IBTK: variants seen among roughly 807,000 people sequenced by gnomAD.
IBTK encodes the protein inhibitor of Bruton tyrosine kinase.
In IBTK, 83 loss-of-function variants were observed where a neutral mutation model predicts 154.9. That is an observed-to-expected ratio of 0.54 (90% confidence interval 0.45 to 0.64). The LOEUF (loss-of-function observed/expected upper bound fraction) is 0.64. IBTK is among the 30% of genes least tolerant of loss of function. The pLI is 0.00. For synonymous variants in IBTK, 515 were observed against 536.1 expected (o/e 0.96, Z 0.54); for missense variants, 1,332 against 1,584.6 (o/e 0.84, Z 2.71).
At position 82,240,449 on chromosome 6, in the gene IBTK, C is replaced by G. The variant is rs376172634; in HGVS notation, c.38G>C (p.Arg13Pro). ...GACATCCAAAGCATGCTTCAGGGAT[C>G]GACACTTTGATGTGCAGTCAGGCAT... ...SPMPDCTSKC[R>P]SLKHALDVLS... The change falls in exon 2 of 29, where the codon CGA becomes CCA. Residue 13 changes from arginine (R) to proline (P), a missense_variant. Around this residue, in one of 3 missense-constraint regions of IBTK, gnomAD observed 84 missense variants for 96.2 expected, o/e 0.87. Coordinates refer to ENST00000306270, the MANE Select transcript of IBTK (RefSeq NM_015525.4). 8.7e-6 allele frequency: 14 copies of G among 1,613,756 alleles called. No homozygotes were observed. Among genetic ancestry groups the G allele is most frequent in the Non-Finnish European group, 1.2e-5 (14 of 1,180,018 alleles).
intron 17 of IBTK, among the ~76,000 whole-genome samples, chr6:82,203,597 AC>A (rs1769292476): frequency 6.6e-6 from 1 of 152,154 alleles, no homozygotes; most frequent in Admixed American, 6.5e-5. Context: ...TCACATGGGA[AC>A]AAGTATCCAC....
rs1562065138 is a variant in IBTK at position 82,172,414 on chromosome 6, A to G, written c.3896T>C (p.Ile1299Thr). The G allele has an allele frequency of 6.2e-7, 1 of 1,614,038 alleles. No homozygotes were observed. The highest frequency in any genetic ancestry group is 2.2e-5 in the East Asian group (1 of 44,860). ...EEELQQEAAL[I>T]RSREKPLALI... ...AGCCAACGGTTTTTCTCGACTTCTA[A>G]TAAGAGCTGCTTCTTGTTGTAGTTC... Residue 1299 changes from isoleucine (I) to threonine (T), a missense_variant, in exon 28 of 29, where the codon ATT (isoleucine) becomes ACT (threonine). By Grantham distance (89) the Ile-to-Thr change is moderately conservative. Coordinates refer to ENST00000306270, the MANE Select transcript of IBTK (RefSeq NM_015525.4).
intron 1 of IBTK, 27 bp downstream of exon 1, chr6:82,247,535 G>C: frequency 2.5e-6 from 1 of 398,942 alleles, no homozygotes; most frequent in Non-Finnish European, 4.4e-6. Context: ...GCACCGCACG[G>C]TCGGGCAGCG....
intron 3 of IBTK, 146 bp downstream of exon 3, chr6:82,234,013 G>C: frequency 2.6e-6 from 1 of 385,986 alleles, no homozygotes; most frequent in East Asian, 4.2e-5. Flanking sequence ...ACAGGTGTGA[G>C]CCGCAGCGCC....
At chr6:82,234,120 T>A (rs1326033605) in intron 3 of IBTK, 39 bp downstream of exon 3, 1 of 1,024,388 alleles carries the variant, frequency 9.8e-7, no homozygotes, top group Non-Finnish European at 1.5e-6. Context: ...ATTACAGGTG[T>A]GAGCCGCAGC....
intron 23 of IBTK, among the ~76,000 whole-genome samples, chr6:82,192,763 A>G (rs1157784717): frequency 4.1e-5 from 6 of 147,270 alleles, no homozygotes; most frequent in Non-Finnish European, 9.0e-5. Flanking sequence ...AAAAAAAAAA[A>G]GAAATAGATG....
intron 15 of IBTK, 54 bp downstream of exon 15, chr6:82,211,313 C>T: frequency 7.0e-7 from 1 of 1,427,712 alleles, no homozygotes; most frequent in Non-Finnish European, 9.6e-7. Context: ...ATACTTTGCA[C>T]AAAATATAAA....
intron 25 of IBTK, among the ~76,000 whole-genome samples, chr6:82,187,684 G>C (rs1276552279): frequency 2.0e-5 from 3 of 152,110 alleles, no homozygotes; most frequent in Non-Finnish European, 4.4e-5. Context: ...CTGGAAAGGG[G>C]CATATACTGG....
intron 4 of IBTK, among the ~76,000 whole-genome samples, chr6:82,228,538 G>A (rs1213726086): frequency 2.0e-5 from 3 of 151,926 alleles, no homozygotes; most frequent in African/African-American, 7.3e-5. Flanking sequence ...ATATTAGAAT[G>A]CCATCCTACA....
rs1047082099 is a variant in IBTK, at chr6:82,172,396, G to A, written c.3914C>T (p.Pro1305Leu). Residue 1305 changes from proline (P) to leucine (L), a missense_variant, in exon 28 of 29, where the codon CCG (proline) becomes CTG (leucine). Around this residue, in one of 3 missense-constraint regions of IBTK, gnomAD observed 1,134 missense variants for 1,274.7 expected, o/e 0.89. Coordinates refer to ENST00000306270, the MANE Select transcript of IBTK (RefSeq NM_015525.4). ...GTTATTTACCTGAATCAGAGCCAAC[G>A]GTTTTTCTCGACTTCTAATAAGAGC... is the stretch of plus-strand genomic sequence containing the variant. The part of the protein sequence containing the change: ...EAALIRSREK[P>L]LALIQIEEHA... 55 of 1,613,390 alleles carry A rather than the reference G, an allele frequency of 3.4e-5. No homozygotes were observed. Among genetic ancestry groups the A allele is most frequent in the Non-Finnish European group, 4.2e-5 (50 of 1,179,790 alleles).
intron 27 of IBTK, chr6:82,173,069 G>A (rs915534530): frequency 1.5e-5 from 3 of 206,090 alleles, no homozygotes; most frequent in African/African-American, 2.4e-5. Flanking sequence ...TGGCATGATC[G>A]CGGCTCAATG....
chr6:82,209,839 C>G (rs1008592655), intron 16 of IBTK, among the ~76,000 whole-genome samples: 1 of 152,178 alleles, frequency 6.6e-6, no homozygotes, highest in African/African-American at 2.4e-5. Context: ...TATCTCCTTA[C>G]AAGACTACCC....
At chr6:82,246,980 C>A (rs74444223) in intron 1 of IBTK, among the ~76,000 whole-genome samples, 3,208 of 152,266 alleles carry the variant, frequency 0.021, 124 homozygotes, top group African/African-American at 0.071. Flanking sequence ...TTACCTAATT[C>A]GCAGCTGAAC....
At chr6:82,229,589 G>GA (rs969262532) in intron 4 of IBTK, among the ~76,000 whole-genome samples, 21 of 148,022 alleles carry the variant, frequency 1.4e-4, no homozygotes, top group Middle Eastern at 3.4e-3. Context: ...CTCAGCATGA[G>GA]AAAAAAAAAA....
chr6:82,235,602 CA>C (rs954066380), intron 2 of IBTK, among the ~76,000 whole-genome samples: 2 of 150,372 alleles, frequency 1.3e-5, no homozygotes, highest in Non-Finnish European at 3.0e-5. Context: ...CTCAAAAAAA[CA>C]AAAAAAAATT....
In IBTK at chr6:82,181,852, G is replaced by A. The variant is rs749947553; in HGVS notation, c.3725+27C>T. 1.8e-5 allele frequency: 26 copies of A among 1,455,408 alleles called. No individual in the cohort carries two copies. The South Asian group carries it at 3.1e-4, about 17-fold the overall frequency. 90.2% of individuals were successfully genotyped at this position (1,455,408 alleles called of 1,614,324 possible). On this transcript the variant is annotated intron_variant, in intron 26 of 28. Transcript: ENST00000306270. Reference sequence around the variant, plus strand: ...CACAGAATATTTTAAGGTAGAAAATGTATTAGTTTTAAGTTTGTTTTATTA... The same window carrying A: ...CACAGAATATTTTAAGGTAGAAAATATATTAGTTTTAAGTTTGTTTTATTA...
intron 25 of IBTK, among the ~76,000 whole-genome samples, chr6:82,190,544 A>C (rs1272750725): frequency 6.6e-6 from 1 of 152,178 alleles, no homozygotes; most frequent in African/African-American, 2.4e-5. Context: ...ACTATGTGTA[A>C]ATTCCAATGG....
intron 8 of IBTK, among the ~76,000 whole-genome samples, chr6:82,221,382 C>G (rs9344261): frequency 0.43 from 65,907 of 152,012 alleles, 14,694 homozygotes; most frequent in East Asian, 0.74. Context: ...CTAAGTGCAT[C>G]TCTATTTTAA....
At chr6:82,227,403 T>G (rs1770336285) in intron 4 of IBTK, 101 bp from the exon 5 acceptor site, 2 of 600,092 alleles carry the variant, frequency 3.3e-6, no homozygotes, top group Non-Finnish European at 5.4e-6. Context: ...AACAGGATAA[T>G]GGATACAAGG....
Sources: gnomAD v4.1 joint callset for allele counts (sites outside exome capture counted in the v4.1 genomes callset) on GRCh38, gnomAD v4.1.1 for gene constraint, gnomAD v4.1.1 regional missense constraint, MANE v1.5 for transcripts, NCBI Gene and HGNC (gene_info 2026-07-23, HGNC 2026-07-21) for gene names.